TRMT11: variants seen among roughly 807,000 people sequenced by gnomAD.
TRMT11 encodes the protein tRNA methyltransferase 11, also known as tRNA (guanine(10)-N(2))-methyltransferase TRMT11.
TRMT11 carries 53 observed loss-of-function variants against 62.8 expected under a neutral mutation model. The ratio of observed to expected loss-of-function variants is 0.84; its 90% confidence interval spans 0.68 to 1.06. The LOEUF (loss-of-function observed/expected upper bound fraction) is 1.06, where lower values mean the gene tolerates loss of function less well. TRMT11 is among the 50% of genes least tolerant of loss of function. The pLI is 0.00. For missense variants in TRMT11, 556 were observed against 553.4 expected (o/e 1.00, Z -0.05); for synonymous variants, 188 against 190.3 (o/e 0.99, Z 0.10).
intron 21 of TRMT11, among the ~76,000 whole-genome samples, chr6:126,151,662 A>G (rs1300327796): frequency 6.6e-6 from 1 of 151,924 alleles, no homozygotes; most frequent in Non-Finnish European, 1.5e-5. Context: ...ATTTCTTGAC[A>G]AAAGTAGACT....
chr6:126,139,862 C>T (rs1777897092), intron 21 of TRMT11, among the ~76,000 whole-genome samples: 1 of 151,986 alleles, frequency 6.6e-6, no homozygotes, highest in Non-Finnish European at 1.5e-5. Flanking sequence ...ATTATTATAT[C>T]ATTTGCAAAT....
At chr6:126,027,177 C>T (rs1216180914) in intron 12 of TRMT11, among the ~76,000 whole-genome samples, 1 of 152,114 alleles carries the variant, frequency 6.6e-6, no homozygotes. Flanking sequence ...TGGTTGTAGT[C>T]ACAGTGGTTA....
chr6:126,087,222 G>A (rs186713765), intron 17 of TRMT11, among the ~76,000 whole-genome samples: 32 of 152,230 alleles, frequency 2.1e-4, no homozygotes, highest in African/African-American at 7.0e-4. Flanking sequence ...GACATTAAAT[G>A]TTTTGCAAAT....
intron 17 of TRMT11, among the ~76,000 whole-genome samples, chr6:126,073,398 C>T (rs113873222): frequency 3.3e-5 from 5 of 152,150 alleles, no homozygotes; most frequent in Admixed American, 1.3e-4. Context: ...TTGAATGCAG[C>T]ACGCCAAATA....
chr6:126,192,794 A>G (rs1335838268), intron 1 of TRMT11, among the ~76,000 whole-genome samples: 2 of 152,180 alleles, frequency 1.3e-5, no homozygotes, highest in Non-Finnish European at 2.9e-5. Context: ...GAGAAATCCC[A>G]CTTGATCATG....
Position 126,021,217 on chromosome 6 carries a change from G to T in TRMT11, c.1197G>T (p.Glu399Asp). 6.2e-7 allele frequency: 1 copy of T among 1,614,228 alleles called. No homozygotes were observed. The highest frequency in any genetic ancestry group is 8.5e-7 in the Non-Finnish European group (1 of 1,180,020). Residue 399 changes from glutamate to aspartate, a missense_variant, in exon 12 of 13, where the codon GAG (glutamate) becomes GAT (aspartate). Transcript: ENST00000334379. The part of the protein sequence containing the change: ...HPCLELVSNC[E>D]QKLSSHTSRR... ...GCCTGGAACTCGTTAGCAACTGCGA[G>T]CAGAAGCTTTCCAGTCACACATCAA...
rs1045503338 is a variant in TRMT11, at chr6:126,180,163, G to A, written n.143+2828G>A. Among the ~76,000 whole-genome samples, 20 of 152,168 alleles carry A rather than the reference G, an allele frequency of 1.3e-4. No individual in the cohort carries two copies. The East Asian group carries it at 2.1e-3, about 16-fold the overall frequency. On this transcript the variant is annotated intron_variant and non_coding_transcript_variant, in intron 1 of 3. Coordinates refer to the TRMT11 transcript ENST00000444229. The stretch of plus-strand genomic sequence containing the variant: ...CATTGTATTTTTTGATCATTGACTC[G>A]TGAGGTTATATTTTCAGAAATATTT...
the TRMT11 span, among the ~76,000 whole-genome samples, chr6:126,246,675 A>G: frequency 6.6e-6 from 1 of 152,216 alleles, no homozygotes; most frequent in African/African-American, 2.4e-5. Flanking sequence ...ACAAATAAAT[A>G]TCAGAGAAGT....
intron 17 of TRMT11, among the ~76,000 whole-genome samples, chr6:126,098,978 G>A (rs935330572): frequency 5.9e-5 from 9 of 152,180 alleles, no homozygotes; most frequent in Non-Finnish European, 1.5e-5. Flanking sequence ...CTGGCTACGT[G>A]TCATTCACAG....
intron 1 of TRMT11, chr6:125,986,852 C>A (rs542144618): frequency 1.7e-5 from 9 of 540,494 alleles, no homozygotes; most frequent in Non-Finnish European, 6.6e-6. Context: ...ATTCTTTTGC[C>A]CGTGTATCAA....
chr6:126,158,714 G>C (rs1778149973), intron 21 of TRMT11, among the ~76,000 whole-genome samples: 1 of 152,086 alleles, frequency 6.6e-6, no homozygotes, highest in Non-Finnish European at 1.5e-5. Flanking sequence ...GCCACTTCAA[G>C]CTTGGGGCAA....
At chr6:126,269,078 A>T in the TRMT11 span, among the ~76,000 whole-genome samples, 2 of 151,328 alleles carry the variant, frequency 1.3e-5, no homozygotes, top group African/African-American at 4.9e-5. Flanking sequence ...CGGCTAAAAA[A>T]TGGTGAAACC....
At chr6:126,206,724 C>G (rs1778795144), downstream of TRMT11, among the ~76,000 whole-genome samples, 1 of 152,130 alleles carries the variant, frequency 6.6e-6, no homozygotes. Context: ...TGACTTCCTT[C>G]AAAACATACT....
At chr6:126,008,087 AG>A (rs1274375623) in intron 7 of TRMT11, among the ~76,000 whole-genome samples, 1 of 152,008 alleles carries the variant, frequency 6.6e-6, no homozygotes, top group African/African-American at 2.4e-5. Flanking sequence ...GTTTTTGTGT[AG>A]AGCTCTAAAA....
chr6:126,193,490 A>ATTTTTTTTTTTTTGTTTTT (rs1778628252), intron 1 of TRMT11, among the ~76,000 whole-genome samples: 1 of 73,276 alleles, frequency 1.4e-5, no homozygotes, highest in African/African-American at 5.6e-5. Context: ...GCGTTTCTGT[A>ATTTTTTTTTTTTTGTTTTT]TTTTTTTTTT....
chr6:126,087,984 G>A (rs1777233329), intron 17 of TRMT11, among the ~76,000 whole-genome samples: 2 of 152,086 alleles, frequency 1.3e-5, no homozygotes, highest in Non-Finnish European at 2.9e-5. Context: ...TGATGTTTTT[G>A]TGTGTATGCA....
the TRMT11 span, among the ~76,000 whole-genome samples, chr6:126,252,093 G>T: frequency 3.3e-5 from 5 of 152,220 alleles, no homozygotes; most frequent in Admixed American, 2.0e-4. Flanking sequence ...ATTTTAATAT[G>T]CTCACAGATT....
chr6:126,037,736 T>C (rs1775447884), intron 12 of TRMT11, among the ~76,000 whole-genome samples: 1 of 151,974 alleles, frequency 6.6e-6, no homozygotes. Flanking sequence ...GATGGAAAAA[T>C]GAAGGTACTC....
exon 18 of TRMT11, among the ~76,000 whole-genome samples, chr6:126,112,887 T>A (rs575600476): frequency 6.0e-4 from 92 of 152,204 alleles, no homozygotes; most frequent in Non-Finnish European, 8.5e-4. Flanking sequence ...CAAGTCTCCT[T>A]GAATCAGTTT....
Sources: gnomAD v4.1 joint callset for allele counts (sites outside exome capture counted in the v4.1 genomes callset) on GRCh38, gnomAD v4.1.1 for gene constraint, MANE v1.5 for transcripts, NCBI Gene and HGNC (gene_info 2026-07-23, HGNC 2026-07-21) for gene names.